The following ADARB2 variants were observed in gnomAD, a reference collection of about 807,000 sequenced individuals.
The protein encoded by ADARB2 is inactive double-stranded RNA-specific editase B2.
Under a neutral mutation model 62.2 loss-of-function variants are expected in ADARB2, and 25 were observed. The observed-to-expected ratio is 0.40, with a 90% confidence interval of 0.29 to 0.56. ADARB2 has a LOEUF of 0.56. ADARB2 is among the 20% of genes least tolerant of loss of function. ADARB2 has a pLI of 0.43. For missense variants in ADARB2, 1,071 were observed against 1,077.4 expected (o/e 0.99, Z 0.08); for synonymous variants, 572 against 500.8 (o/e 1.14, Z -1.90).
chr10:1,516,825 G>A (rs1439728160), intron 1 of ADARB2, among the ~76,000 whole-genome samples: 29 of 152,198 alleles, frequency 1.9e-4, no homozygotes, highest in Non-Finnish European at 2.9e-5. Context: ...CACTTGAAGC[G>A]TTTGTATTTT....
At chr10:1,514,178 A>ATATATATATATATATAT (rs1831976214) in intron 1 of ADARB2, among the ~76,000 whole-genome samples, 1 of 94,158 alleles carries the variant, frequency 1.1e-5, no homozygotes, top group African/African-American at 3.4e-5. Flanking sequence ...GCTGTCTCAA[A>ATATATATATATATATAT]ATATATATAT....
chr10:1,727,457 C>T (rs1480057813), intron 1 of ADARB2, among the ~76,000 whole-genome samples: 1 of 152,192 alleles, frequency 6.6e-6, no homozygotes, highest in African/African-American at 2.4e-5. Flanking sequence ...ATGTTCCCCT[C>T]TCCCAGAGAG....
intron 1 of ADARB2, among the ~76,000 whole-genome samples, chr10:1,498,735 T>C (rs888703218): frequency 6.6e-6 from 1 of 152,230 alleles, no homozygotes; most frequent in African/African-American, 2.4e-5. Flanking sequence ...TATACTTTTG[T>C]ATAAATTTCA....
At chr10:1,376,956 G>T (rs1832435148) in intron 2 of ADARB2, among the ~76,000 whole-genome samples, 1 of 145,966 alleles carries the variant, frequency 6.9e-6, no homozygotes, top group African/African-American at 2.5e-5. Context: ...CTCCTGGGGT[G>T]TGTTTGTGTG....
intron 8 of ADARB2, chr10:1,199,603 A>G (rs371536908): frequency 1.8e-5 from 4 of 216,372 alleles, no homozygotes. Flanking sequence ...CTTCCTCAGC[A>G]TCGCCTCCTG....
chr10:1,675,309 G>T (rs1243036365), intron 1 of ADARB2: 1 of 975,334 alleles, frequency 1.0e-6, no homozygotes, highest in Non-Finnish European at 1.2e-6. Flanking sequence ...GGAGGTTTGG[G>T]TTCGGGGATG....
At chr10:1,486,038 A>T (rs1409102922) in intron 1 of ADARB2, among the ~76,000 whole-genome samples, 1 of 152,124 alleles carries the variant, frequency 6.6e-6, no homozygotes, top group African/African-American at 2.4e-5. Context: ...TTTCTGGCCT[A>T]TGTATGGTTG....
At chr10:1,606,897 AT>A (rs758056678) in intron 1 of ADARB2, among the ~76,000 whole-genome samples, 1 of 152,174 alleles carries the variant, frequency 6.6e-6, no homozygotes, top group Non-Finnish European at 1.5e-5. Context: ...CTGTTGTGCC[AT>A]TTTGTACTGA....
chr10:1,649,717 C>T (rs1054754400), intron 1 of ADARB2, among the ~76,000 whole-genome samples: 1 of 152,194 alleles, frequency 6.6e-6, no homozygotes, highest in Non-Finnish European at 1.5e-5. Flanking sequence ...GCCAGACAGC[C>T]ACAAGATGCA....
chr10:1,202,759 C>T (rs1380263627), intron 7 of ADARB2, among the ~76,000 whole-genome samples: 2 of 152,186 alleles, frequency 1.3e-5, no homozygotes, highest in Non-Finnish European at 2.9e-5. Flanking sequence ...TACATTTCCG[C>T]CATCTGTAAC....
intron 1 of ADARB2, among the ~76,000 whole-genome samples, chr10:1,474,344 G>T (rs1337671437): frequency 1.3e-5 from 2 of 152,162 alleles, no homozygotes; most frequent in African/African-American, 4.8e-5. Context: ...TGCAGTTTGG[G>T]GATGAGCTTC....
chr10:1,382,995 G>C (rs1036733700), intron 1 of ADARB2, among the ~76,000 whole-genome samples: 1 of 152,216 alleles, frequency 6.6e-6, no homozygotes, highest in African/African-American at 2.4e-5. Context: ...TGGTCTAAGA[G>C]TCAAGAGTCT....
intron 3 of ADARB2, among the ~76,000 whole-genome samples, chr10:1,287,870 C>T (rs1001281706): frequency 6.6e-6 from 1 of 152,210 alleles, no homozygotes; most frequent in East Asian, 1.9e-4. Flanking sequence ...CTGATCTAAG[C>T]GTTCCTTCCT....
intron 1 of ADARB2, among the ~76,000 whole-genome samples, chr10:1,701,805 G>A (rs1377540785): frequency 1.4e-5 from 2 of 142,504 alleles, no homozygotes; most frequent in African/African-American, 5.3e-5. Context: ...CCGGGCACTC[G>A]CCAATACACG....
At chr10:1,431,339 T>C (rs752845064) in intron 1 of ADARB2, among the ~76,000 whole-genome samples, 1 of 152,072 alleles carries the variant, frequency 6.6e-6, no homozygotes, top group Non-Finnish European at 1.5e-5. Context: ...AAATAACCCA[T>C]GTATCAGAGA....
At chr10:1,433,372 G>A (rs1026874335) in intron 1 of ADARB2, among the ~76,000 whole-genome samples, 3 of 152,168 alleles carry the variant, frequency 2.0e-5, no homozygotes, top group African/African-American at 7.2e-5. Context: ...CTCTGTGACT[G>A]ATTTTAAAGT....
At chr10:1,505,112 C>A (rs1033385578) in intron 1 of ADARB2, among the ~76,000 whole-genome samples, 6 of 125,636 alleles carry the variant, frequency 4.8e-5, no homozygotes, top group African/African-American at 1.5e-4. Flanking sequence ...CACACACAGA[C>A]ACACACAACA....
chr10:1,223,827 G>T (rs145034291), intron 6 of ADARB2, among the ~76,000 whole-genome samples: 1 of 152,016 alleles, frequency 6.6e-6, no homozygotes, highest in African/African-American at 2.4e-5. Flanking sequence ...CGTTTTGCCC[G>T]TATTTTATTG....
chr10:1,297,458 C>A (rs576786489), intron 3 of ADARB2, among the ~76,000 whole-genome samples: 1 of 152,290 alleles, frequency 6.6e-6, no homozygotes, highest in African/African-American at 2.4e-5. Flanking sequence ...CCCTGTGAAA[C>A]CTTACCATAG....
Sources: gnomAD v4.1 joint callset for allele counts (sites outside exome capture counted in the v4.1 genomes callset) on GRCh38, gnomAD v4.1.1 for gene constraint, MANE v1.5 for transcripts, NCBI Gene and HGNC (gene_info 2026-07-23, HGNC 2026-07-21) for gene names.